Variants in RAD54L2 observed in about 807,000 individuals in gnomAD.
RAD54L2 encodes the protein helicase ARIP4.
In RAD54L2, 27 loss-of-function variants were observed where a neutral mutation model predicts 138.4. The ratio of observed to expected loss-of-function variants is 0.20; its 90% CI spans 0.14 to 0.27. The LOEUF (loss-of-function observed/expected upper bound fraction) is 0.27, where lower values mean the gene tolerates loss of function less well. Among genes scored for constraint, RAD54L2 ranks in the 10% least tolerant of loss-of-function variants. The pLI, the probability that RAD54L2 is intolerant of heterozygous loss-of-function variation, is 1.00. For synonymous variants in RAD54L2, 644 were observed against 723.2 expected (o/e 0.89, Z 1.76); for missense variants, 1,396 against 1,890.2 (o/e 0.74, Z 4.85).
intron 2 of RAD54L2, among the ~76,000 whole-genome samples, chr3:51,544,072 T>TC (rs1372730095): frequency 1.3e-5 from 2 of 152,228 alleles, no homozygotes; most frequent in African/African-American, 4.8e-5. Flanking sequence ...TTTTGGTGTT[T>TC]TTTTTGTGTT....
chr3:51,542,184 G>C (rs1341292498), intron 2 of RAD54L2, among the ~76,000 whole-genome samples: 2 of 152,324 alleles, frequency 1.3e-5, no homozygotes, highest in African/African-American at 4.8e-5. Flanking sequence ...TTTTCCATCT[G>C]TAAAATGGGC....
At chr3:51,657,723 G>T in intron 21 of RAD54L2, 54 bp downstream of exon 21, 2 of 1,263,530 alleles carry the variant, frequency 1.6e-6, no homozygotes, top group South Asian at 2.6e-5. Flanking sequence ...GTGCTGGGCT[G>T]GGAAGAAGAA....
At chr3:51,606,362 T>C (rs536636747) in intron 3 of RAD54L2, among the ~76,000 whole-genome samples, 3 of 152,190 alleles carry the variant, frequency 2.0e-5, no homozygotes, top group African/African-American at 7.2e-5. Context: ...ATAGTGGCAA[T>C]GGTATGGAGA....
intron 2 of RAD54L2, among the ~76,000 whole-genome samples, chr3:51,581,814 G>T (rs917903158): frequency 6.6e-6 from 1 of 152,184 alleles, no homozygotes; most frequent in Admixed American, 6.5e-5. Context: ...AACCTGATCT[G>T]CTTTTAAGCT....
At chr3:51,644,542 A>T (rs1559650303) in intron 16 of RAD54L2, among the ~76,000 whole-genome samples, 1 of 152,196 alleles carries the variant, frequency 6.6e-6, no homozygotes. Flanking sequence ...AGATGATGTG[A>T]TGAATATGAA....
At chr3:51,600,164 G>C (rs1700049720) in intron 3 of RAD54L2, among the ~76,000 whole-genome samples, 1 of 151,666 alleles carries the variant, frequency 6.6e-6, no homozygotes, top group African/African-American at 2.4e-5. Context: ...GGCTGGTCTT[G>C]AACTCCTGAC....
At chr3:51,578,306 TCA>T (rs1491244222) in intron 2 of RAD54L2, among the ~76,000 whole-genome samples, 3 of 152,182 alleles carry the variant, frequency 2.0e-5, no homozygotes, top group African/African-American at 7.2e-5. Context: ...CCTGACTTCC[TCA>T]CGACATTCTA....
chr3:51,660,960 C>T (rs1224363488), intron 22 of RAD54L2, among the ~76,000 whole-genome samples: 1 of 145,574 alleles, frequency 6.9e-6, no homozygotes, highest in East Asian at 2.1e-4. Flanking sequence ...ATCCATTGCT[C>T]CTCCTTTTTT....
chr3:51,595,868 A>C (rs1699946983), intron 3 of RAD54L2, among the ~76,000 whole-genome samples: 1 of 151,388 alleles, frequency 6.6e-6, no homozygotes, highest in South Asian at 2.1e-4. Context: ...TAGGGGTTCA[A>C]AATGTGATAC....
Position 51,665,731 on chromosome 3 carries a change from C to T in RAD54L2, c.*2311C>T, listed in dbSNP as rs1701897227. On this transcript the variant is annotated 3_prime_UTR_variant, in exon 23 of 23. Coordinates refer to ENST00000684192, the MANE Select transcript of RAD54L2 (RefSeq NM_015106.4). ...GACTGAATCTCCAATTTATGGGACA[C>T]ACTCAGAACCTGGGTTACACTGATG... is the stretch of plus-strand genomic sequence containing the variant. 6.6e-6 allele frequency: 1 copy of T among 152,156 alleles called. No homozygotes were observed. Among genetic ancestry groups the T allele is most frequent in the Admixed American group, 6.5e-5 (1 of 15,282 alleles). The allele number at this position is 152,156 out of a possible 1,614,324, so 9.4% of individuals were successfully genotyped here. A position where few individuals can be genotyped will look rare whatever the true frequency, so the allele number is the denominator to read the frequency against.
rs774464525 is a variant in RAD54L2 at position 51,639,519 on chromosome 3, G to T, written c.1961G>T (p.Ser654Ile). Residue 654 changes from serine to isoleucine, a missense_variant, in exon 13 of 23, where the codon AGT (serine) becomes ATT (isoleucine). Transcript: ENST00000684192. ...GAAGAACTTGGCTCTGCAGGGACCA[G>T]TGCCCGCTGTCCACCACAGGGAACA... ...DVEELGSAGT[S>I]ARCPPQGTKG... 1 of 1,614,028 alleles carries T rather than the reference G, an allele frequency of 6.2e-7. No homozygotes were observed. Among genetic ancestry groups the T allele is most frequent in the African/African-American group, 1.3e-5 (1 of 75,058 alleles).
intron 1 of RAD54L2, among the ~76,000 whole-genome samples, chr3:51,540,862 C>T (rs995146454): frequency 2.0e-5 from 3 of 151,838 alleles, no homozygotes; most frequent in African/African-American, 4.8e-5. Flanking sequence ...GCCTGCATGG[C>T]GAAACCCTGT....
At chr3:51,551,580 CAT>C (rs1232464711) in intron 2 of RAD54L2, among the ~76,000 whole-genome samples, 2 of 150,728 alleles carry the variant, frequency 1.3e-5, no homozygotes, top group African/African-American at 4.9e-5. Context: ...GGATTACAGA[CAT>C]GTGCCACACG....
chr3:51,595,125 C>T (rs1030783026), intron 3 of RAD54L2, among the ~76,000 whole-genome samples: 1 of 152,062 alleles, frequency 6.6e-6, no homozygotes, highest in Non-Finnish European at 1.5e-5. Flanking sequence ...CTCAGCCTCC[C>T]AAAGTGCTGG....
At chr3:51,644,460 A>G (rs916627936) in intron 16 of RAD54L2, among the ~76,000 whole-genome samples, 3 of 152,128 alleles carry the variant, frequency 2.0e-5, no homozygotes, top group Admixed American at 1.3e-4. Context: ...AAAACAAACA[A>G]ACAAATGAAC....
At chr3:51,599,558 T>C (rs997354230) in intron 3 of RAD54L2, among the ~76,000 whole-genome samples, 1 of 152,072 alleles carries the variant, frequency 6.6e-6, no homozygotes, top group Non-Finnish European at 1.5e-5. Context: ...TTCTTTTCTT[T>C]TCTTTTTTTT....
intron 2 of RAD54L2, among the ~76,000 whole-genome samples, chr3:51,589,681 T>C (rs1002554084): frequency 9.2e-4 from 100 of 108,490 alleles, no homozygotes; most frequent in East Asian, 5.0e-3. Context: ...TATATATATA[T>C]ATACACACAC....
At chr3:51,543,883 G>C (rs1250795947) in intron 2 of RAD54L2, among the ~76,000 whole-genome samples, 3 of 152,038 alleles carry the variant, frequency 2.0e-5, no homozygotes, top group Non-Finnish European at 4.4e-5. Context: ...CCAGGAGTTC[G>C]GGCACCACCT....
At chr3:51,596,962 C>T (rs1437767045) in intron 3 of RAD54L2, among the ~76,000 whole-genome samples, 1 of 151,932 alleles carries the variant, frequency 6.6e-6, no homozygotes, top group Non-Finnish European at 1.5e-5. Flanking sequence ...GTCAGGAGTT[C>T]GAGACCAGCC....
Sources: allele counts gnomAD v4.1 joint callset (sites outside exome capture counted in the v4.1 genomes callset), GRCh38; gene constraint gnomAD v4.1.1; transcripts MANE v1.5; gene names NCBI Gene and HGNC (gene_info 2026-07-23, HGNC 2026-07-21).